Variants in ULK4 observed in about 807,000 individuals in gnomAD.
ULK4 encodes the protein inactive serine/threonine-protein kinase ULK4.
ULK4 carries 133 observed loss-of-function variants against 160.6 expected under a neutral mutation model. That is an observed-to-expected ratio of 0.83 (90% CI 0.72 to 0.96). The LOEUF (loss-of-function observed/expected upper bound fraction) is 0.96. ULK4 is among the 40% of genes least tolerant of loss of function. The pLI is 0.00. For synonymous variants in ULK4, 534 were observed against 539.8 expected (o/e 0.99, Z 0.15); for missense variants, 1,580 against 1,499.5 (o/e 1.05, Z -0.89).
chr3:41,622,962 G>A (rs2033327290), intron 30 of ULK4, among the ~76,000 whole-genome samples: 3 of 152,258 alleles, frequency 2.0e-5, no homozygotes, highest in African/African-American at 7.2e-5. Flanking sequence ...AAACATGGGT[G>A]TGTTCCAATA....
At position 41,911,391 on chromosome 3, in the gene ULK4, A is replaced by G. The variant is rs1698779054; in HGVS notation, c.1016-5T>C. 6.2e-7 allele frequency: 1 copy of G among 1,614,064 alleles called. No homozygotes were observed. The highest frequency in any genetic ancestry group is 2.2e-5 in the East Asian group (1 of 44,870). On this transcript the variant is annotated splice_polypyrimidine_tract_variant and splice_region_variant and intron_variant, in intron 10 of 36. Coordinates refer to ENST00000301831, the MANE Select transcript of ULK4 (RefSeq NM_017886.4). ...GCCGAAACTCAGTTGGATTTTCTGTAGCAGGAAAGTAATATGTTATCCAGA... is the reference window on the plus strand; with the variant it reads ...GCCGAAACTCAGTTGGATTTTCTGTGGCAGGAAAGTAATATGTTATCCAGA...
intron 35 of ULK4, among the ~76,000 whole-genome samples, chr3:41,383,419 A>G (rs1044124133): frequency 7.2e-5 from 11 of 152,126 alleles, no homozygotes; most frequent in Non-Finnish European, 2.9e-5. Context: ...TTTCAAACAT[A>G]TTCATTCTAA....
At chr3:41,465,624 T>C (rs559485645) in intron 32 of ULK4, among the ~76,000 whole-genome samples, 141 of 152,266 alleles carry the variant, frequency 9.3e-4, no homozygotes, top group Middle Eastern at 6.8e-3. Context: ...ATTAGAACAG[T>C]TTTCTTGTAG....
At chr3:41,265,167 G>A (rs2079008389) in intron 35 of ULK4, among the ~76,000 whole-genome samples, 1 of 152,250 alleles carries the variant, frequency 6.6e-6, no homozygotes, top group Non-Finnish European at 1.5e-5. Flanking sequence ...GCCTCAGTCA[G>A]GAGGGCAGGT....
intron 31 of ULK4, among the ~76,000 whole-genome samples, chr3:41,576,007 G>A (rs1296453965): frequency 1.3e-5 from 2 of 152,190 alleles, no homozygotes; most frequent in Admixed American, 6.5e-5. Flanking sequence ...GGGATGGACT[G>A]TGCCCCTTTT....
intron 32 of ULK4, among the ~76,000 whole-genome samples, chr3:41,512,763 T>C (rs1322531334): frequency 1.3e-5 from 2 of 152,018 alleles, no homozygotes; most frequent in South Asian, 2.1e-4. Context: ...TTCACAGAAC[T>C]AGAAAAAAAC....
rs921575119 is a variant in ULK4, at chr3:41,246,601, T to C, written c.*328A>G. ...ACAGATGCTGGCAGGCTGAGGACTGTGCTTTGCATCCACTGCTTTATTACC... is the reference window on the plus strand; with the variant it reads ...ACAGATGCTGGCAGGCTGAGGACTGCGCTTTGCATCCACTGCTTTATTACC... On this transcript the variant is annotated 3_prime_UTR_variant, in exon 37 of 37. Coordinates refer to ENST00000301831, the MANE Select transcript of ULK4 (RefSeq NM_017886.4). 5 of 254,042 alleles carry C rather than the reference T, an allele frequency of 2.0e-5. No individual in the cohort carries two copies. Among genetic ancestry groups the C allele is most frequent in the African/African-American group, 1.1e-4 (5 of 45,500 alleles). The allele number at this position is 254,042 out of a possible 1,614,324, so 15.7% of individuals were successfully genotyped here.
rs145305810 is a variant in ULK4 at position 41,846,066 on chromosome 3, T to C, written c.1657-10095A>G. 3.1e-3 allele frequency among the ~76,000 whole-genome samples: 475 copies of C among 152,260 alleles called. 1 individual carries two copies. Among genetic ancestry groups the C allele is most frequent in the African/African-American group, 0.011 (451 of 41,544 alleles). On this transcript the variant is annotated intron_variant, in intron 17 of 36. Transcript: ENST00000301831. ...TGGACTGCCTCCAGCATAATAGAAA[T>C]TGCTTTAGAACTCAATGTCTTGTAA...
At chr3:41,850,574 AT>A (rs558480802) in intron 17 of ULK4, among the ~76,000 whole-genome samples, 46 of 152,168 alleles carry the variant, frequency 3.0e-4, no homozygotes, top group African/African-American at 1.1e-3. Context: ...GATGATGAGC[AT>A]TTTTTCATGT....
chr3:41,703,379 C>A (rs2125825146), intron 27 of ULK4, among the ~76,000 whole-genome samples: 1 of 151,716 alleles, frequency 6.6e-6, no homozygotes, highest in South Asian at 2.1e-4. Context: ...AATCAATATA[C>A]AAAGATAAAT....
intron 34 of ULK4, among the ~76,000 whole-genome samples, chr3:41,416,754 T>G (rs7621706): frequency 0.48 from 73,335 of 151,832 alleles, 18,495 homozygotes; most frequent in African/African-American, 0.62. Context: ...ATGCCCCATG[T>G]GAAACAGGGA....
intron 31 of ULK4, among the ~76,000 whole-genome samples, chr3:41,587,265 C>T (rs2030893772): frequency 6.6e-6 from 1 of 152,288 alleles, no homozygotes; most frequent in South Asian, 2.1e-4. Flanking sequence ...TTCATTCCTT[C>T]TCATATTTTG....
chr3:41,670,646 T>G (rs895926500), intron 29 of ULK4, among the ~76,000 whole-genome samples: 6 of 152,082 alleles, frequency 3.9e-5, no homozygotes, highest in African/African-American at 1.4e-4. Context: ...CACACTTTTT[T>G]AAGTAAAAGA....
chr3:41,697,966 A>G (rs1047752665), intron 27 of ULK4, among the ~76,000 whole-genome samples: 2 of 152,186 alleles, frequency 1.3e-5, no homozygotes, highest in African/African-American at 4.8e-5. Flanking sequence ...AAGGTGTAAC[A>G]TTTATCTTTA....
intron 16 of ULK4, among the ~76,000 whole-genome samples, chr3:41,885,381 T>C (rs534191498): frequency 6.6e-6 from 1 of 152,312 alleles, no homozygotes; most frequent in South Asian, 2.1e-4. Context: ...GAATATTCAC[T>C]TTTTACCAAA....
chr3:41,409,377 A>T (rs2082364760), intron 34 of ULK4, among the ~76,000 whole-genome samples: 1 of 152,248 alleles, frequency 6.6e-6, no homozygotes, highest in African/African-American at 2.4e-5. Flanking sequence ...AAGAAAAAAT[A>T]GATAAACTAG....
intron 30 of ULK4, among the ~76,000 whole-genome samples, chr3:41,656,070 T>C (rs779568372): frequency 9.9e-5 from 15 of 152,256 alleles, no homozygotes; most frequent in Non-Finnish European, 1.8e-4. Flanking sequence ...GAAAAACTTT[T>C]CCCCCCAGTT....
intron 17 of ULK4, among the ~76,000 whole-genome samples, chr3:41,842,363 T>C (rs1229768186): frequency 6.6e-6 from 1 of 152,162 alleles, no homozygotes; most frequent in Non-Finnish European, 1.5e-5. Flanking sequence ...TCAAGACTTA[T>C]ACAGCTACAG....
rs115833209 is a variant in ULK4, at chr3:41,566,656, G to A, written c.3121-526C>T. On this transcript the variant is annotated intron_variant, in intron 31 of 36. Coordinates refer to ENST00000301831, the MANE Select transcript of ULK4 (RefSeq NM_017886.4). ...CTCAACACTTAGCATCATATAGTAG[G>A]CAGTAACTTAGGTCCTAAAGAGAAT... Among the ~76,000 whole-genome samples, 602 of 152,222 alleles carry A rather than the reference G, an allele frequency of 4.0e-3. 5 individuals are homozygous for A. The highest frequency in any genetic ancestry group is 0.014 in the African/African-American group (566 of 41,538).
Sources: gnomAD v4.1 joint callset for allele counts (sites outside exome capture counted in the v4.1 genomes callset) on GRCh38, gnomAD v4.1.1 for gene constraint, MANE v1.5 for transcripts, NCBI Gene and HGNC (gene_info 2026-07-23, HGNC 2026-07-21) for gene names.